The following PHKB variants were observed in gnomAD, a reference collection of about 807,000 sequenced individuals.
PHKB encodes phosphorylase b kinase regulatory subunit beta.
PHKB carries 122 observed loss-of-function variants against 152.1 expected under a neutral mutation model. That is an observed-to-expected ratio of 0.80 (90% CI 0.69 to 0.93). The LOEUF (loss-of-function observed/expected upper bound fraction) is 0.93, where lower values mean the gene tolerates loss of function less well. PHKB is among the 40% of genes least tolerant of loss of function. The probability of loss-of-function intolerance (pLI) is 0.00; values close to 1 mark genes in which losing one functional copy is unlikely to be tolerated. For synonymous variants in PHKB, 436 were observed against 464.9 expected, an observed-to-expected ratio of 0.94 and a Z score of 0.80; for missense variants, 1,304 against 1,328.4, an observed-to-expected ratio of 0.98 and a Z score of 0.29.
chr16:47,689,318 A>G (rs577897222), intron 27 of PHKB, 143 bp downstream of exon 27: 4 of 750,554 alleles, frequency 5.3e-6, no homozygotes, highest in East Asian at 5.4e-5. Context: ...CTAGATGGAA[A>G]GTGTAAACAG....
chr16:47,670,006 A>G (rs1597165759), intron 26 of PHKB, among the ~76,000 whole-genome samples: 1 of 152,198 alleles, frequency 6.6e-6, no homozygotes, highest in South Asian at 2.1e-4. Flanking sequence ...TCAAGTTCCA[A>G]CTGCCATTGT....
At chr16:47,558,165 A>G (rs1971411597) in intron 7 of PHKB, among the ~76,000 whole-genome samples, 1 of 147,524 alleles carries the variant, frequency 6.8e-6, no homozygotes, top group African/African-American at 2.5e-5. Context: ...GTTCTCACTC[A>G]TAGGTGGGAC....
intron 7 of PHKB, chr16:47,566,567 C>G (rs1446787096): frequency 2.0e-5 from 31 of 1,561,770 alleles, no homozygotes; most frequent in African/African-American, 2.7e-5. Context: ...CTTTAATGTA[C>G]TCTTCTGTCA....
At chr16:47,464,160 T>G (rs1219796733) in intron 1 of PHKB, 1 of 640,900 alleles carries the variant, frequency 1.6e-6, no homozygotes, top group Non-Finnish European at 2.8e-6. Flanking sequence ...GTTTTGAATG[T>G]GGCCTATTGT....
At chr16:47,687,775 A>G (rs963900131) in intron 26 of PHKB, among the ~76,000 whole-genome samples, 14 of 152,214 alleles carry the variant, frequency 9.2e-5, no homozygotes, top group Non-Finnish European at 1.8e-4. Flanking sequence ...GGGAGAAGGT[A>G]GGAAGAGCTG....
At chr16:47,464,463 G>A (rs534990281) in intron 1 of PHKB, among the ~76,000 whole-genome samples, 7 of 152,322 alleles carry the variant, frequency 4.6e-5, no homozygotes, top group South Asian at 4.1e-4. Context: ...TTGAGGCCAT[G>A]TGCTTTGGCC....
chr16:47,600,954 G>C (rs890666540), intron 13 of PHKB, among the ~76,000 whole-genome samples: 1 of 152,144 alleles, frequency 6.6e-6, no homozygotes, highest in Admixed American at 6.5e-5. Flanking sequence ...GACTAGCCTC[G>C]CTAGTAGATG....
At chr16:47,590,057 T>C (rs1248375871) in intron 10 of PHKB, among the ~76,000 whole-genome samples, 1 of 152,198 alleles carries the variant, frequency 6.6e-6, no homozygotes, top group East Asian at 1.9e-4. Context: ...CCTAAAGTGC[T>C]GGGATTACAA....
intron 14 of PHKB, among the ~76,000 whole-genome samples, chr16:47,618,376 G>C (rs372263343): frequency 6.6e-6 from 1 of 152,050 alleles, no homozygotes; most frequent in Non-Finnish European, 1.5e-5. Flanking sequence ...TCTGCTCTCT[G>C]GAACTAGGAG....
intron 6 of PHKB, among the ~76,000 whole-genome samples, chr16:47,536,466 G>A (rs184395373): frequency 2.0e-5 from 3 of 152,180 alleles, no homozygotes; most frequent in African/African-American, 7.2e-5. Flanking sequence ...TCTGAGCTCA[G>A]AGAAGTTATA....
chr16:47,557,449 C>G (rs993910130), intron 7 of PHKB, among the ~76,000 whole-genome samples: 22 of 152,024 alleles, frequency 1.4e-4, no homozygotes, highest in Admixed American at 7.9e-4. Flanking sequence ...AACAGGCAGC[C>G]TACAAAATGG....
At chr16:47,685,746 T>C (rs1973953192) in intron 26 of PHKB, among the ~76,000 whole-genome samples, 3 of 140,014 alleles carry the variant, frequency 2.1e-5, no homozygotes, top group African/African-American at 8.2e-5. Flanking sequence ...TTTCTTTTTC[T>C]TTTTTTTTTT....
chr16:47,566,326 C>T (rs1971566231), intron 7 of PHKB: 2 of 1,291,252 alleles, frequency 1.5e-6, no homozygotes, highest in Non-Finnish European at 2.2e-6. Context: ...TTGTCATAAT[C>T]CCCATTTCTA....
intron 1 of PHKB, among the ~76,000 whole-genome samples, chr16:47,492,669 G>A (rs747355891): frequency 2.0e-5 from 3 of 152,082 alleles, no homozygotes; most frequent in African/African-American, 4.8e-5. Flanking sequence ...TCGCCCTTCC[G>A]TCACAAAAAA....
intron 20 of PHKB, among the ~76,000 whole-genome samples, chr16:47,659,094 C>G (rs1367120030): frequency 2.0e-5 from 3 of 152,184 alleles, no homozygotes; most frequent in Non-Finnish European, 4.4e-5. Flanking sequence ...AGGGAACTTA[C>G]TGTTCAAGAG....
At chr16:47,516,452 AC>A (rs1970598868) in intron 6 of PHKB, among the ~76,000 whole-genome samples, 1 of 152,218 alleles carries the variant, frequency 6.6e-6, no homozygotes, top group African/African-American at 2.4e-5. Context: ...GAACAAACAC[AC>A]AAGCACATGC....
In PHKB at chr16:47,499,774, T is replaced by C. The variant is rs773528597; in HGVS notation, c.185T>C (p.Leu62Pro). 3.5e-5 allele frequency: 57 copies of C among 1,614,084 alleles called. No homozygotes were observed. Among genetic ancestry groups the C allele is most frequent in the Admixed American group, 6.7e-5 (4 of 60,010 alleles). The change falls in exon 3 of 31, where the codon CTG becomes CCG. Residue 62 changes from leucine to proline, a missense_variant. Physicochemically the swap from Leu to Pro is moderately conservative, Grantham distance 98. Transcript: ENST00000323584. ...YYRIVKSTLL[L>P]YQSPTTGLFP... ...ATTGCAGTCAAGTCAACATTGCTGCTGTATCAAAGTCCAACTACCGGTCTC... is the reference window on the plus strand; with the variant it reads ...ATTGCAGTCAAGTCAACATTGCTGCCGTATCAAAGTCCAACTACCGGTCTC...
At chr16:47,506,027 C>CAA (rs1198434467) in intron 4 of PHKB, among the ~76,000 whole-genome samples, 5 of 50,234 alleles carry the variant, frequency 1.0e-4, no homozygotes, top group South Asian at 6.7e-4. Flanking sequence ...GAAACTGTCT[C>CAA]AAAAAAAAAA....
At chr16:47,526,303 C>T (rs780380728) in intron 6 of PHKB, among the ~76,000 whole-genome samples, 1 of 151,612 alleles carries the variant, frequency 6.6e-6, no homozygotes, top group African/African-American at 2.4e-5. Flanking sequence ...CAGCTGCTCG[C>T]GAGGCTGAGG....
Sources: gnomAD v4.1 joint callset for allele counts (sites outside exome capture counted in the v4.1 genomes callset) on GRCh38, gnomAD v4.1.1 for gene constraint, MANE v1.5 for transcripts, NCBI Gene and HGNC (gene_info 2026-07-23, HGNC 2026-07-21) for gene names.